The following PHF20L1 variants were observed in gnomAD, a reference collection of about 807,000 sequenced individuals.
PHF20L1 encodes PHD finger protein 20-like protein 1.
PHF20L1 carries 44 observed loss-of-function variants against 125.5 expected under a neutral mutation model. The ratio of observed to expected loss-of-function variants is 0.35; its 90% confidence interval spans 0.28 to 0.45. The LOEUF (loss-of-function observed/expected upper bound fraction) is 0.45. Among genes scored for constraint, PHF20L1 ranks in the 20% least tolerant of loss-of-function variants. The pLI, the probability that PHF20L1 is intolerant of heterozygous loss-of-function variation, is 1.00. For synonymous variants in PHF20L1, 380 were observed against 403.1 expected (o/e 0.94, Z 0.69); for missense variants, 1,012 against 1,217.2 (o/e 0.83, Z 2.51).
chr8:132,832,348 A>G lies in PHF20L1; in HGVS notation c.1858A>G (p.Thr620Ala), dbSNP rs1488738814. The change falls in exon 15 of 21, where the codon ACA becomes GCA. Residue 620 changes from threonine (T) to alanine (A), a missense_variant. Physicochemically the swap from Thr to Ala is moderately conservative, Grantham distance 58. Coordinates refer to ENST00000395386, the MANE Select transcript of PHF20L1 (RefSeq NM_016018.5). ...ASRSMFTEKT[T>A]TYQYPRAILS... ...ACGAAGCATGTTTACGGAGAAAACT[A>G]CAACCTATCAGTACCCAAGGGCAAT... 6 of 1,612,234 alleles carry G rather than the reference A, an allele frequency of 3.7e-6. No individual in the cohort carries two copies. Among genetic ancestry groups the G allele is most frequent in the Non-Finnish European group, 4.2e-6 (5 of 1,178,624 alleles).
At chr8:132,841,197 G>A (rs7825681) in intron 18 of PHF20L1, among the ~76,000 whole-genome samples, 69,850 of 151,678 alleles carry the variant, frequency 0.46, 16,195 homozygotes, top group South Asian at 0.52. Flanking sequence ...TAGTATGTAC[G>A]ATTTATTGAA....
intron 8 of PHF20L1, chr8:132,807,562 A>T: frequency 2.8e-6 from 1 of 358,084 alleles, no homozygotes; most frequent in Non-Finnish European, 5.4e-6. Context: ...GTTATTGATA[A>T]TAATATCAAG....
At chr8:132,820,398 T>C (rs948300159) in intron 12 of PHF20L1, among the ~76,000 whole-genome samples, 58 of 151,912 alleles carry the variant, frequency 3.8e-4, no homozygotes, top group African/African-American at 1.3e-3. Flanking sequence ...CAATTCTCTT[T>C]AGGTGGGAAG....
At chr8:132,824,996 T>C in intron 13 of PHF20L1, 1 of 1,378,010 alleles carries the variant, frequency 7.3e-7, no homozygotes. Flanking sequence ...AGAATATTAC[T>C]CATTGAAGGT....
At chr8:132,814,914 G>C in intron 10 of PHF20L1, 25 bp downstream of exon 10, 2 of 1,494,766 alleles carry the variant, frequency 1.3e-6, no homozygotes, top group Non-Finnish European at 1.8e-6. Context: ...TTAAAAAATA[G>C]TTATTTATCC....
chr8:132,782,017 C>T (rs983499595), intron 2 of PHF20L1, among the ~76,000 whole-genome samples: 20 of 152,216 alleles, frequency 1.3e-4, no homozygotes, highest in African/African-American at 3.9e-4. Context: ...AAGACTTTGA[C>T]GTGCTAATGT....
chr8:132,786,070 G>A (rs1371099953), intron 2 of PHF20L1, among the ~76,000 whole-genome samples: 3 of 152,044 alleles, frequency 2.0e-5, no homozygotes, highest in African/African-American at 7.2e-5. Flanking sequence ...GTGACTTTTG[G>A]ATTGAAAACT....
chr8:132,785,116 GA>G (rs1159066179), intron 2 of PHF20L1, among the ~76,000 whole-genome samples: 4 of 152,142 alleles, frequency 2.6e-5, no homozygotes, highest in Non-Finnish European at 1.5e-5. Context: ...TGGAACAAGA[GA>G]AAAGACCGTT....
At chr8:132,818,216 A>G (rs1401001898) in intron 12 of PHF20L1, 1 of 151,972 alleles carries the variant, frequency 6.6e-6, no homozygotes, top group Non-Finnish European at 1.5e-5. Context: ...TTTAAGAATT[A>G]TAACCTGATC....
intron 2 of PHF20L1, among the ~76,000 whole-genome samples, chr8:132,791,433 A>T (rs1387816030): frequency 6.6e-6 from 1 of 151,536 alleles, no homozygotes; most frequent in Non-Finnish European, 1.5e-5. Flanking sequence ...TTGTTATTTT[A>T]CTAGAGACCG....
Position 132,817,022 on chromosome 8 carries a change from G to A in PHF20L1, c.1318G>A (p.Gly440Arg). Reference sequence around the variant, plus strand: ...TTCTTCTCCCTCTCCAGCCACTGATGGGAAAGTATTCTCCATCAGTTCTCA... The same window carrying A: ...TTCTTCTCCCTCTCCAGCCACTGATAGGAAAGTATTCTCCATCAGTTCTCA... ...KVSSPSPATD[G>R]KVFSISSQNQ... Residue 440 changes from glycine (G) to arginine (R), a missense_variant, in exon 11 of 21, where the codon GGG (glycine) becomes AGG (arginine). By Grantham distance (125) the Gly-to-Arg change is moderately radical. Transcript: ENST00000395386. 1 of 1,607,052 alleles carries A rather than the reference G, an allele frequency of 6.2e-7. No homozygotes were observed.
In PHF20L1 at chr8:132,847,030, A is replaced by G. The variant is rs1838467300; in HGVS notation, c.*1107A>G. 6.6e-6 allele frequency: 1 copy of G among 152,550 alleles called. No individual in the cohort carries two copies. 9.4% of individuals were successfully genotyped at this position (152,550 alleles called of 1,614,324 possible). The stretch of plus-strand genomic sequence containing the variant: ...TGATCACAAGTGGACAAATTTCTGA[A>G]ACCAAAGGCAACTAAGTTGCTGTGT... On this transcript the variant is annotated 3_prime_UTR_variant, in exon 21 of 21. Coordinates refer to ENST00000395386, the MANE Select transcript of PHF20L1 (RefSeq NM_016018.5).
chr8:132,804,025 A>G lies in PHF20L1; in HGVS notation c.714A>G (p.Glu238=), dbSNP rs1320611775. The G allele has an allele frequency of 6.3e-7, 1 of 1,598,256 alleles. No individual in the cohort carries two copies. The highest frequency in any genetic ancestry group is 1.3e-5 in the African/African-American group (1 of 74,670). The part of the protein sequence containing the change: ...EKKEDLPTSS[E]TFGLHVENVP... ...AGGAAGATCTGCCTACATCTAGTGA[A>G]ACATTTGGTACAAAATACATTCTTA... is the stretch of plus-strand genomic sequence containing the variant. The change falls in exon 7 of 21, where the codon GAA becomes GAG. Residue 238 remains glutamate (E), a synonymous_variant. Transcript: ENST00000395386.
intron 10 of PHF20L1, chr8:132,816,533 C>T: frequency 5.5e-6 from 1 of 181,432 alleles, no homozygotes; most frequent in Middle Eastern, 2.4e-3. Flanking sequence ...TTTTCCTTAT[C>T]TTTTGCTGTA....
chr8:132,826,619 C>CTTT (rs1013523327), intron 14 of PHF20L1: 5 of 151,828 alleles, frequency 3.3e-5, no homozygotes, highest in African/African-American at 1.2e-4. Context: ...TAAAACTAAA[C>CTTT]AGTGTATTTT....
At chr8:132,824,729 G>T (rs544097791) in intron 13 of PHF20L1, 2 of 171,508 alleles carry the variant, frequency 1.2e-5, no homozygotes, top group African/African-American at 2.4e-5. Context: ...TTAGTTTAAT[G>T]AAATATATTT....
At position 132,845,909 on chromosome 8, in the gene PHF20L1, CTT is replaced by C. The variant is rs1450087659; in HGVS notation, c.3042_3043del (p.Cys1015LeufsTer9). On this transcript the variant is annotated frameshift_variant, in exon 21 of 21. Transcript: ENST00000395386. LOFTEE classifies it high-confidence loss of function. ...DMGKVQQIAT[L>X]CSV is the part of the protein sequence containing the mutation. The stretch of plus-strand genomic sequence containing the variant: ...GGGCAAAGTACAGCAGATAGCAACT[CTT>C]TGCTCTGTATGACAACAGTGAACAC... 1.9e-6 allele frequency: 3 copies of C among 1,611,836 alleles called. No homozygotes were observed. The highest frequency in any genetic ancestry group is 1.7e-5 in the Admixed American group (1 of 59,784).
chr8:132,777,788 T>G lies in PHF20L1; in HGVS notation c.-37-4T>G. 1.5e-6 allele frequency: 2 copies of G among 1,298,624 alleles called. No individual in the cohort carries two copies. The highest frequency in any genetic ancestry group is 2.2e-6 in the Non-Finnish European group (2 of 894,586). 80.4% of individuals were successfully genotyped at this position (1,298,624 alleles called of 1,614,324 possible). A position where few individuals can be genotyped will look rare whatever the true frequency, so the allele number is the denominator to read the frequency against. On this transcript the variant is annotated splice_region_variant and splice_polypyrimidine_tract_variant and intron_variant, in intron 1 of 20. Transcript: ENST00000395386. The stretch of plus-strand genomic sequence containing the variant: ...TGGAATCTAACTTTTTTCTTTCTCT[T>G]GAGGTAGTGAAAAGAGAATACTGAA...
intron 19 of PHF20L1, chr8:132,843,800 A>T (rs1051068999): frequency 2.5e-5 from 25 of 984,992 alleles, no homozygotes; most frequent in Non-Finnish European, 2.9e-5. Flanking sequence ...TTCCACTCTT[A>T]TGTCCACTTA....
Sources: gnomAD v4.1 joint callset for allele counts (sites outside exome capture counted in the v4.1 genomes callset) on GRCh38, gnomAD v4.1.1 for gene constraint, MANE v1.5 for transcripts, NCBI Gene and HGNC (gene_info 2026-07-23, HGNC 2026-07-21) for gene names.